Variants in TBL1XR1 observed in about 807,000 individuals in gnomAD.
TBL1XR1 encodes the protein F-box-like/WD repeat-containing protein TBL1XR1.
TBL1XR1 carries 5 observed loss-of-function variants against 66.9 expected under a neutral mutation model. The observed-to-expected ratio is 0.07, with a 90% CI of 0.04 to 0.16. The LOEUF (loss-of-function observed/expected upper bound fraction) is 0.16, where lower values mean the gene tolerates loss of function less well. TBL1XR1 is among the 10% of genes least tolerant of loss of function. The pLI, the probability that TBL1XR1 is intolerant of heterozygous loss-of-function variation, is 1.00. For synonymous variants in TBL1XR1, 210 were observed against 206.0 expected (o/e 1.02, Z -0.17); for missense variants, 238 against 623.2 (o/e 0.38, Z 6.58).
intron 14 of TBL1XR1, chr3:177,027,314 T>G (rs915761387): frequency 6.6e-6 from 1 of 152,250 alleles, no homozygotes; most frequent in Non-Finnish European, 1.5e-5. Context: ...TGTACACTAT[T>G]CTTGAAAGAC....
chr3:177,141,593 G>A (rs1372215651), intron 1 of TBL1XR1, among the ~76,000 whole-genome samples: 1 of 152,214 alleles, frequency 6.6e-6, no homozygotes, highest in African/African-American at 2.4e-5. Flanking sequence ...TGTATTTGGT[G>A]AATAGAATGA....
At chr3:177,056,171 G>C (rs1387012985) in intron 3 of TBL1XR1, among the ~76,000 whole-genome samples, 1 of 152,198 alleles carries the variant, frequency 6.6e-6, no homozygotes, top group African/African-American at 2.4e-5. Context: ...CCAAGGTTTT[G>C]AAAGTGTCTT....
rs1028925206 is a variant in TBL1XR1, at chr3:177,020,547, A to T, written c.*4951T>A. ...GCAGTTATTAATCAGTAACACCAGTATGGGAGAGAATGAATGTGTTATAGG... is the reference window on the plus strand; with the variant it reads ...GCAGTTATTAATCAGTAACACCAGTTTGGGAGAGAATGAATGTGTTATAGG... On this transcript the variant is annotated 3_prime_UTR_variant, in exon 16 of 16. Transcript: ENST00000457928. 1.1e-4 allele frequency: 17 copies of T among 152,164 alleles called. No homozygotes were observed. The highest frequency in any genetic ancestry group is 4.1e-4 in the African/African-American group (17 of 41,464). The allele number at this position is 152,164 out of a possible 1,614,324, so 9.4% of individuals were successfully genotyped here.
chr3:177,157,036 G>A (rs1454871154), intron 1 of TBL1XR1, among the ~76,000 whole-genome samples: 1 of 152,126 alleles, frequency 6.6e-6, no homozygotes, highest in African/African-American at 2.4e-5. Flanking sequence ...TAAAATGAAG[G>A]TGTAAACAGG....
intron 1 of TBL1XR1, among the ~76,000 whole-genome samples, chr3:177,140,385 C>G (rs1729499452): frequency 6.6e-6 from 1 of 152,188 alleles, no homozygotes; most frequent in Non-Finnish European, 1.5e-5. Context: ...ACCAGGTGAG[C>G]AGCCAGAGGC....
At chr3:177,201,001 C>CGTCTCAAAAAAAAAAA (rs1737329276), upstream of TBL1XR1, among the ~76,000 whole-genome samples, 1 of 149,630 alleles carries the variant, frequency 6.7e-6, no homozygotes, top group Non-Finnish European at 1.5e-5. Context: ...AGTGAGACTC[C>CGTCTCAAAAAAAAAAA]GTCTCAAAAA....
At chr3:177,152,082 A>G (rs932876393) in intron 1 of TBL1XR1, among the ~76,000 whole-genome samples, 2 of 152,222 alleles carry the variant, frequency 1.3e-5, no homozygotes, top group African/African-American at 4.8e-5. Context: ...TCAAATGGGT[A>G]ACAGTATGAG....
chr3:177,171,124 T>C (rs574232192), intron 1 of TBL1XR1, among the ~76,000 whole-genome samples: 6 of 149,454 alleles, frequency 4.0e-5, no homozygotes, highest in African/African-American at 1.5e-4. Context: ...GCGGATCACC[T>C]GAGGTCAGGT....
At chr3:177,108,990 G>T (rs1255010807) in intron 1 of TBL1XR1, among the ~76,000 whole-genome samples, 2 of 152,056 alleles carry the variant, frequency 1.3e-5, no homozygotes, top group Non-Finnish European at 2.9e-5. Context: ...GCTTTTTGAT[G>T]GGATAAGGAT....
chr3:177,158,229 C>CTT (rs869191638), intron 1 of TBL1XR1, among the ~76,000 whole-genome samples: 4 of 40,660 alleles, frequency 9.8e-5, no homozygotes, highest in Admixed American at 2.3e-4. Flanking sequence ...TGTTTCTTTT[C>CTT]TTTTTTTTTT....
intron 12 of TBL1XR1, among the ~76,000 whole-genome samples, chr3:177,035,666 G>A (rs572101534): frequency 6.0e-4 from 92 of 152,176 alleles, no homozygotes; most frequent in African/African-American, 1.8e-3. Context: ...TGCCCACGTC[G>A]GCCTCCCAAA....
chr3:177,104,860 CA>C (rs938957784), intron 1 of TBL1XR1, among the ~76,000 whole-genome samples: 3 of 152,066 alleles, frequency 2.0e-5, no homozygotes, highest in Non-Finnish European at 2.9e-5. Context: ...AAGAATAAAA[CA>C]AAAAACTCTC....
chr3:177,175,290 C>T (rs1022401899), intron 1 of TBL1XR1, among the ~76,000 whole-genome samples: 1 of 151,988 alleles, frequency 6.6e-6, no homozygotes, highest in Admixed American at 6.6e-5. Flanking sequence ...GGAATCATAC[C>T]ATGAAAATAA....
rs11443749 is a variant in TBL1XR1, at chr3:177,019,985, TAAAAA to T, written c.*5508_*5512del. On this transcript the variant is annotated 3_prime_UTR_variant, in exon 16 of 16. Transcript: ENST00000457928. The stretch of plus-strand genomic sequence containing the variant: ...AGAAGACCTAGAGAGTGTAAATTCT[TAAAAA>T]AAAAAAAAAGAAAATATGCTCAATG... 2 of 141,322 alleles carry T rather than the reference TAAAAA, an allele frequency of 1.4e-5. No individual in the cohort carries two copies. Among genetic ancestry groups the T allele is most frequent in the African/African-American group, 5.2e-5 (2 of 38,448 alleles). 8.8% of individuals were successfully genotyped at this position (141,322 alleles called of 1,614,324 possible).
intron 14 of TBL1XR1, among the ~76,000 whole-genome samples, chr3:177,029,382 G>A (rs1470712621): frequency 1.3e-5 from 2 of 152,212 alleles, no homozygotes; most frequent in Non-Finnish European, 2.9e-5. Flanking sequence ...TACTTTGGAA[G>A]GCTGAGGCAA....
chr3:177,102,489 C>A (rs937842895), intron 1 of TBL1XR1, among the ~76,000 whole-genome samples: 68 of 152,086 alleles, frequency 4.5e-4, no homozygotes, highest in African/African-American at 1.5e-3. Flanking sequence ...AAATAAACAT[C>A]TGAATTTTAA....
intron 1 of TBL1XR1, among the ~76,000 whole-genome samples, chr3:177,191,153 G>A (rs762898456): frequency 1.3e-5 from 2 of 152,192 alleles, no homozygotes; most frequent in Non-Finnish European, 2.9e-5. Flanking sequence ...TGAATAGGTA[G>A]AATGGAACCT....
chr3:177,174,392 G>C (rs1733916651), intron 1 of TBL1XR1, among the ~76,000 whole-genome samples: 1 of 131,264 alleles, frequency 7.6e-6, no homozygotes, highest in Admixed American at 8.7e-5. Context: ...CTGGGTGACA[G>C]AGCGAGACTC....
chr3:177,073,293 A>G (rs565220931), intron 2 of TBL1XR1, among the ~76,000 whole-genome samples: 1 of 152,322 alleles, frequency 6.6e-6, no homozygotes, highest in East Asian at 1.9e-4. Flanking sequence ...AAAAACTGGA[A>G]AACAGGCTCC....
Sources: allele counts gnomAD v4.1 joint callset (sites outside exome capture counted in the v4.1 genomes callset), GRCh38; gene constraint gnomAD v4.1.1; transcripts MANE v1.5; gene names NCBI Gene and HGNC (gene_info 2026-07-23, HGNC 2026-07-21).